The following OTOA variants were observed in gnomAD, a reference collection of about 807,000 sequenced individuals.
OTOA encodes otoancorin.
Under a neutral mutation model 110.8 loss-of-function variants are expected in OTOA, and 70 were observed. The observed-to-expected ratio is 0.63, with a 90% confidence interval of 0.52 to 0.77. OTOA has a LOEUF of 0.77. Ranked by LOEUF, OTOA falls within the 30% of genes least tolerant of loss-of-function variation. OTOA has a pLI of 0.00. For missense variants in OTOA, 917 were observed against 1,075.8 expected (o/e 0.85, Z 2.06); for synonymous variants, 373 against 431.5 (o/e 0.86, Z 1.68).
At chr16:21,735,784 G>A (rs1340942287) in intron 21 of OTOA, among the ~76,000 whole-genome samples, 7 of 152,136 alleles carry the variant, frequency 4.6e-5, no homozygotes, top group Admixed American at 4.6e-4. Context: ...AGTAGAGATG[G>A]GGTTTCACCA....
chr16:21,724,780 AATTT>A (rs1166280652), intron 18 of OTOA, among the ~76,000 whole-genome samples: 1 of 150,410 alleles, frequency 6.6e-6, no homozygotes, highest in Admixed American at 6.6e-5. Flanking sequence ...TTAATTAATT[AATTT>A]ATTTATTTTT....
intron 5 of OTOA, among the ~76,000 whole-genome samples, 192 bp downstream of exon 5, chr16:21,679,403 A>T (rs960595733): frequency 6.6e-6 from 1 of 151,582 alleles, no homozygotes; most frequent in Non-Finnish European, 1.5e-5. Context: ...ATAAGGGCCA[A>T]TTTTTTTTCT....
intron 13 of OTOA, 125 bp from the exon 14 acceptor site, chr16:21,714,860 C>A: frequency 1.6e-6 from 2 of 1,263,070 alleles, no homozygotes; most frequent in South Asian, 1.2e-5. Flanking sequence ...CAGCATCTGT[C>A]TGGCTCACTG....
chr16:21,665,833 AT>A lies in OTOA; in HGVS notation c.-5+1613del, dbSNP rs796956897. On this transcript the variant is annotated intron_variant, in intron 1 of 28. Transcript: ENST00000646100. The stretch of plus-strand genomic sequence containing the variant: ...AGCTCCCATCCCCTTGACTGCTTGA[AT>A]TTTTTTTTTTTCCAGCCAGGGTTTT... Among the ~76,000 whole-genome samples, 161 of 145,800 alleles carry A rather than the reference AT, an allele frequency of 1.1e-3. 1 individual carries two copies. The highest frequency in any genetic ancestry group is 7.0e-3 in the East Asian group (35 of 5,024).
chr16:21,698,408 C>T (rs2141673220), intron 10 of OTOA, among the ~76,000 whole-genome samples: 1 of 152,278 alleles, frequency 6.6e-6, no homozygotes, highest in South Asian at 2.1e-4. Context: ...CAACCTGTCC[C>T]TCTCCTTTTG....
chr16:21,697,889 G>T lies in OTOA; in HGVS notation c.840+14G>T. Reference sequence around the variant, plus strand: ...AGTCCTATAGAAGTAAGTTGGAAAAGTACATTTATATGTCACCATTACTAA... The same window carrying T: ...AGTCCTATAGAAGTAAGTTGGAAAATTACATTTATATGTCACCATTACTAA... On this transcript the variant is annotated intron_variant, in intron 10 of 28. Coordinates refer to ENST00000646100, the MANE Select transcript of OTOA (RefSeq NM_144672.4). The T allele has an allele frequency of 6.3e-7, 1 of 1,596,708 alleles. No homozygotes were observed. The highest frequency in any genetic ancestry group is 8.6e-7 in the Non-Finnish European group (1 of 1,164,324).
Position 21,760,604 on chromosome 16 carries a change from G to T in OTOA, c.*64G>T. On this transcript the variant is annotated 3_prime_UTR_variant, in exon 29 of 29. Coordinates refer to ENST00000646100, the MANE Select transcript of OTOA (RefSeq NM_144672.4). Reference sequence around the variant, plus strand: ...TGGCCAACATGTGTAGAGACAGGATGCTCCAGATGGTGGGACACCCTTCCC... The same window carrying T: ...TGGCCAACATGTGTAGAGACAGGATTCTCCAGATGGTGGGACACCCTTCCC... 7.4e-7 allele frequency: 1 copy of T among 1,350,024 alleles called. No homozygotes were observed. The highest frequency in any genetic ancestry group is 1.0e-6 in the Non-Finnish European group (1 of 958,314). The allele number at this position is 1,350,024 out of a possible 1,614,324, so 83.6% of individuals were successfully genotyped here.
chr16:21,681,489 T>C (rs1264737626), intron 5 of OTOA, among the ~76,000 whole-genome samples: 1 of 151,868 alleles, frequency 6.6e-6, no homozygotes, highest in Admixed American at 6.6e-5. Flanking sequence ...TGGCTGAGGT[T>C]GGAAGATCAC....
chr16:21,674,710 C>T (rs191906424), intron 1 of OTOA, among the ~76,000 whole-genome samples: 1 of 151,444 alleles, frequency 6.6e-6, no homozygotes, highest in Admixed American at 6.6e-5. Flanking sequence ...GGTCATTTTC[C>T]TAATGGCTAA....
chr16:21,689,241 G>A (rs1897781081), intron 8 of OTOA, among the ~76,000 whole-genome samples: 1 of 152,114 alleles, frequency 6.6e-6, no homozygotes, highest in Non-Finnish European at 1.5e-5. Flanking sequence ...AACAATGTGG[G>A]AGATTCCTTT....
chr16:21,736,677 A>C (rs1899311142), intron 22 of OTOA, among the ~76,000 whole-genome samples: 1 of 152,200 alleles, frequency 6.6e-6, no homozygotes, highest in African/African-American at 2.4e-5. Context: ...CTAGAAACAC[A>C]AAAATTAGCC....
rs568110689 is a variant in OTOA at position 21,686,482 on chromosome 16, G to A, written c.400-931G>A. On this transcript the variant is annotated intron_variant, in intron 7 of 28. Transcript: ENST00000646100. ...TTTAAAAAATTTATTTTTTAGGGAC[G>A]GGGTCTCCCTGTGTTGCCTAGGCTG... Among the ~76,000 whole-genome samples the A allele has an allele frequency of 3.3e-5, 5 of 152,008 alleles. No individual in the cohort carries two copies. In the East Asian group the frequency reaches 7.8e-4, roughly 24 times the overall value.
At chr16:21,670,924 C>T (rs1966848199) in intron 1 of OTOA, among the ~76,000 whole-genome samples, 1 of 152,022 alleles carries the variant, frequency 6.6e-6, no homozygotes, top group Non-Finnish European at 1.5e-5. Context: ...GGGTCTTAAT[C>T]TGGGGAGGAT....
At chr16:21,703,056 T>G (rs1281595158) in intron 11 of OTOA, among the ~76,000 whole-genome samples, 1 of 152,176 alleles carries the variant, frequency 6.6e-6, no homozygotes, top group African/African-American at 2.4e-5. Flanking sequence ...AGATATATAT[T>G]CATTGTGGAA....
chr16:21,688,721 A>G (rs1321742662), intron 8 of OTOA, among the ~76,000 whole-genome samples: 1 of 152,050 alleles, frequency 6.6e-6, no homozygotes, highest in East Asian at 1.9e-4. Context: ...GATCTCTTTT[A>G]TAAGGGCACT....
intron 17 of OTOA, chr16:21,721,626 T>A: frequency 2.5e-6 from 1 of 392,730 alleles, no homozygotes. Context: ...CAATGACTCA[T>A]GCCTGTAATT....
rs1898647578 is a variant in OTOA at position 21,719,178 on chromosome 16, G to A, written c.1675G>A (p.Glu559Lys). 6.2e-7 allele frequency: 1 copy of A among 1,614,122 alleles called. No homozygotes were observed. The change falls in exon 16 of 29, where the codon GAG (glutamate) becomes AAG (lysine). Residue 559 changes from glutamate (E) to lysine (K), a missense_variant. Around this residue, in one of 6 missense-constraint regions of OTOA, gnomAD observed 840 missense variants for 910.2 expected, o/e 0.92. Coordinates refer to ENST00000646100, the MANE Select transcript of OTOA (RefSeq NM_144672.4). ...ELLLKTTRRP[E>K]ELLSAGQLVK... The stretch of plus-strand genomic sequence containing the variant: ...TCTGTTAAAGACCACCAGAAGGCCT[G>A]AGGAGCTTTTGAGGTAGGAAAATGT...
At chr16:21,684,398 C>T in intron 6 of OTOA, 1 of 1,489,138 alleles carries the variant, frequency 6.7e-7, no homozygotes, top group Non-Finnish European at 9.0e-7. Flanking sequence ...CTGCTCCTTG[C>T]CCTGTAGGGG....
At position 21,716,895 on chromosome 16, in the gene OTOA, C is replaced by T. The variant is rs767114707; in HGVS notation, c.1489-12C>T. On this transcript the variant is annotated splice_polypyrimidine_tract_variant and intron_variant, in intron 14 of 28. Transcript: ENST00000646100. The stretch of plus-strand genomic sequence containing the variant: ...TTTACAATGTTGTTTTGTTGCTTCT[C>T]GCTTCTGGCAGATGGTCCAAGCGGA... The T allele has an allele frequency of 2.9e-5, 47 of 1,613,566 alleles. No individual in the cohort carries two copies. In the Admixed American group the frequency reaches 4.3e-4, roughly 15 times the overall value.
Sources: gnomAD v4.1 joint callset for allele counts (sites outside exome capture counted in the v4.1 genomes callset) on GRCh38, gnomAD v4.1.1 for gene constraint, gnomAD v4.1.1 regional missense constraint, MANE v1.5 for transcripts, NCBI Gene and HGNC (gene_info 2026-07-23, HGNC 2026-07-21) for gene names.